The following PRKG1 variants were observed in gnomAD, a reference collection of about 807,000 sequenced individuals.
PRKG1 encodes the protein cGMP-dependent protein kinase 1.
PRKG1 carries 35 observed loss-of-function variants against 88.1 expected under a neutral mutation model. The observed-to-expected ratio is 0.40, with a 90% confidence interval of 0.30 to 0.53. The LOEUF is 0.53. Among genes scored for constraint, PRKG1 ranks in the 20% least tolerant of loss-of-function variants. The probability of loss-of-function intolerance (pLI) is 0.59; values close to 1 mark genes in which losing one functional copy is unlikely to be tolerated. For missense variants in PRKG1, 540 were observed against 839.8 expected (o/e 0.64, Z 4.41); for synonymous variants, 303 against 292.5 (o/e 1.04, Z -0.37).
chr10:52,000,181 A>T (rs909951288), intron 5 of PRKG1, among the ~76,000 whole-genome samples: 1 of 152,066 alleles, frequency 6.6e-6, no homozygotes, highest in South Asian at 2.1e-4. Flanking sequence ...GATGATACAT[A>T]TTTGACTTCT....
At chr10:51,459,867 G>C (rs1239075915) in intron 2 of PRKG1, among the ~76,000 whole-genome samples, 1 of 152,102 alleles carries the variant, frequency 6.6e-6, no homozygotes, top group Non-Finnish European at 1.5e-5. Flanking sequence ...CAATCTGCTG[G>C]CAACATGATT....
intron 9 of PRKG1, among the ~76,000 whole-genome samples, chr10:52,231,753 A>G (rs973535528): frequency 1.8e-4 from 28 of 152,166 alleles, no homozygotes; most frequent in African/African-American, 6.0e-4. Context: ...GCAGCCTGAA[A>G]CCTAAGATTG....
intron 2 of PRKG1, among the ~76,000 whole-genome samples, chr10:51,443,588 T>C (rs1298026267): frequency 6.6e-6 from 1 of 152,050 alleles, no homozygotes; most frequent in Non-Finnish European, 1.5e-5. Flanking sequence ...GTTTTTTTCT[T>C]CAAAATAGAA....
chr10:51,671,592 T>C (rs377215014), intron 3 of PRKG1, among the ~76,000 whole-genome samples: 8 of 144,396 alleles, frequency 5.5e-5, no homozygotes, highest in East Asian at 2.0e-4. Flanking sequence ...CTCTCTCTCT[T>C]TTTTTTTTTT....
chr10:51,053,778 G>GTT (rs66475706), intron 1 of PRKG1, among the ~76,000 whole-genome samples: 1 of 144,968 alleles, frequency 6.9e-6, no homozygotes, highest in East Asian at 2.0e-4. Flanking sequence ...GGTTTTTTTT[G>GTT]TTTTTTTTTT....
chr10:51,221,613 T>TAAA (rs566865643), intron 2 of PRKG1, among the ~76,000 whole-genome samples: 2 of 126,674 alleles, frequency 1.6e-5, no homozygotes, highest in African/African-American at 5.7e-5. Flanking sequence ...CAATGTGTTC[T>TAAA]AAAAAAAAAA....
At chr10:51,391,300 C>T (rs1837396507) in intron 2 of PRKG1, among the ~76,000 whole-genome samples, 1 of 152,188 alleles carries the variant, frequency 6.6e-6, no homozygotes, top group South Asian at 2.1e-4. Flanking sequence ...AAAGAATTCA[C>T]ATATTGTGTA....
intron 4 of PRKG1, among the ~76,000 whole-genome samples, chr10:51,900,958 T>C (rs1039178827): frequency 1.3e-5 from 2 of 152,178 alleles, no homozygotes; most frequent in East Asian, 3.9e-4. Context: ...ATAAAATTAA[T>C]AACTTTTACT....
chr10:52,203,940 C>A (rs1214471779), intron 9 of PRKG1, among the ~76,000 whole-genome samples: 1 of 152,122 alleles, frequency 6.6e-6, no homozygotes, highest in Non-Finnish European at 1.5e-5. Context: ...CACTTGAAGA[C>A]AGCATACAGT....
At chr10:51,105,105 A>C (rs1844799810) in intron 1 of PRKG1, among the ~76,000 whole-genome samples, 1 of 152,100 alleles carries the variant, frequency 6.6e-6, no homozygotes, top group African/African-American at 2.4e-5. Context: ...TTCTGGCCCG[A>C]AGTGATCTGC....
At chr10:51,598,906 G>T (rs1261711172) in intron 3 of PRKG1, among the ~76,000 whole-genome samples, 4 of 152,118 alleles carry the variant, frequency 2.6e-5, no homozygotes, top group Admixed American at 2.0e-4. Flanking sequence ...TTCCCGTTTT[G>T]CATGTGTAGG....
At chr10:51,299,981 C>A (rs1417754196) in intron 2 of PRKG1, among the ~76,000 whole-genome samples, 1 of 152,132 alleles carries the variant, frequency 6.6e-6, no homozygotes, top group Non-Finnish European at 1.5e-5. Context: ...ACCACCTACA[C>A]CTACCATCTG....
chr10:51,234,090 C>T lies in PRKG1; in HGVS notation c.478+80760C>T, dbSNP rs576266715. Among the ~76,000 whole-genome samples, 3 of 152,160 alleles carry T rather than the reference C, an allele frequency of 2.0e-5. No homozygotes were observed. In the South Asian group the frequency reaches 6.2e-4, roughly 32 times the overall value. Reference sequence around the variant, plus strand: ...CAATCTGACCTTGGAACACTTTGCCCCACTATGTGACTTTAAATAAGCTTC... The same window carrying T: ...CAATCTGACCTTGGAACACTTTGCCTCACTATGTGACTTTAAATAAGCTTC... On this transcript the variant is annotated intron_variant, in intron 2 of 17. Transcript: ENST00000373980.
At chr10:51,940,368 G>A (rs540885431) in intron 5 of PRKG1, among the ~76,000 whole-genome samples, 17 of 151,822 alleles carry the variant, frequency 1.1e-4, no homozygotes, top group South Asian at 6.2e-4. Context: ...CCCAGGAAAC[G>A]TACTTTTCTC....
chr10:51,373,240 C>T (rs553316881), intron 2 of PRKG1, among the ~76,000 whole-genome samples: 2 of 152,292 alleles, frequency 1.3e-5, no homozygotes, highest in East Asian at 3.9e-4. Flanking sequence ...AACTTAGCAA[C>T]ATGAAGCAAC....
intron 2 of PRKG1, among the ~76,000 whole-genome samples, chr10:51,342,450 C>T (rs569907348): frequency 1.3e-5 from 2 of 152,108 alleles, no homozygotes; most frequent in African/African-American, 2.4e-5. Context: ...AGAATTAAAA[C>T]ATAGAGAAAC....
chr10:52,268,933 A>G (rs1841645398), intron 10 of PRKG1, among the ~76,000 whole-genome samples: 1 of 151,994 alleles, frequency 6.6e-6, no homozygotes, highest in Non-Finnish European at 1.5e-5. Context: ...ACTAGGGCTC[A>G]GAGCAGTTAA....
At chr10:51,835,722 T>C (rs1294018117) in intron 4 of PRKG1, among the ~76,000 whole-genome samples, 1 of 152,230 alleles carries the variant, frequency 6.6e-6, no homozygotes, top group African/African-American at 2.4e-5. Flanking sequence ...CTATTTGTCA[T>C]ATGAATTTCA....
intron 7 of PRKG1, among the ~76,000 whole-genome samples, chr10:52,090,135 A>T (rs1449675879): frequency 6.6e-6 from 1 of 151,974 alleles, no homozygotes; most frequent in Admixed American, 6.6e-5. Context: ...TCTAAATACC[A>T]TTACTCCATA....
Sources: gnomAD v4.1 joint callset for allele counts (sites outside exome capture counted in the v4.1 genomes callset) on GRCh38, gnomAD v4.1.1 for gene constraint, MANE v1.5 for transcripts, NCBI Gene and HGNC (gene_info 2026-07-23, HGNC 2026-07-21) for gene names.